Variants in FAM47E observed in about 807,000 individuals in gnomAD.
The protein encoded by FAM47E is family with sequence similarity 47 member E.
In FAM47E, 32 loss-of-function variants were observed where a neutral mutation model predicts 41.6. The ratio of observed to expected loss-of-function variants is 0.77; its 90% CI spans 0.58 to 1.03. The LOEUF (loss-of-function observed/expected upper bound fraction) is 1.03, where lower values mean the gene tolerates loss of function less well. Ranked by LOEUF, FAM47E falls within the 50% of genes least tolerant of loss-of-function variation. FAM47E has a pLI of 0.00. For missense variants in FAM47E, 424 were observed against 485.4 expected, an observed-to-expected ratio of 0.87 and a Z score of 1.19; for synonymous variants, 184 against 188.7, an observed-to-expected ratio of 0.98 and a Z score of 0.20.
At chr4:76,241,260 C>T (rs1733703991) in intron 2 of FAM47E, among the ~76,000 whole-genome samples, 1 of 151,936 alleles carries the variant, frequency 6.6e-6, no homozygotes, top group South Asian at 2.1e-4. Context: ...TGTCTGGCTT[C>T]CAAAAATGGA....
intron 3 of FAM47E, chr4:76,267,370 C>T (rs1361395497): frequency 6.6e-6 from 1 of 152,172 alleles, no homozygotes; most frequent in Non-Finnish European, 1.5e-5. Flanking sequence ...GATGCAACAG[C>T]TCAAGCAAAG....
intron 2 of FAM47E, among the ~76,000 whole-genome samples, chr4:76,231,244 G>C (rs531385581): frequency 1.3e-5 from 2 of 152,284 alleles, no homozygotes; most frequent in South Asian, 4.1e-4. Flanking sequence ...TTTCCCAAAG[G>C]AAATGTCCAA....
rs562970503 is a variant in FAM47E at position 76,271,339 on chromosome 4, C to T, written c.670-229C>T. ...GTTTGCTATGGATCAAACTGAATTT[C>T]CCTCGGGCTCATGATTTCCCTCACT... On this transcript the variant is annotated intron_variant, in intron 4 of 7. Transcript: ENST00000424749. 5.9e-5 allele frequency among the ~76,000 whole-genome samples: 9 copies of T among 152,314 alleles called. No homozygotes were observed. In the South Asian group the frequency reaches 1.9e-3, roughly 32 times the overall value.
At chr4:76,221,380 G>A (rs986566499) in intron 2 of FAM47E, among the ~76,000 whole-genome samples, 30 of 152,148 alleles carry the variant, frequency 2.0e-4, no homozygotes, top group Non-Finnish European at 4.1e-4. Context: ...GTGCAGTGGT[G>A]CAATCTCAGC....
At chr4:76,245,829 C>T (rs1017509906) in intron 2 of FAM47E, among the ~76,000 whole-genome samples, 1 of 152,134 alleles carries the variant, frequency 6.6e-6, no homozygotes, top group Non-Finnish European at 1.5e-5. Context: ...TCAGGCATCT[C>T]CTCAAATCTA....
intron 2 of FAM47E, among the ~76,000 whole-genome samples, chr4:76,220,555 A>G (rs990530677): frequency 2.0e-5 from 3 of 152,210 alleles, no homozygotes; most frequent in Non-Finnish European, 2.9e-5. Context: ...CGAGTCCAGG[A>G]GTTCAAGGCT....
At chr4:76,254,652 T>G (rs762831564) in intron 1 of FAM47E, among the ~76,000 whole-genome samples, 1 of 152,154 alleles carries the variant, frequency 6.6e-6, no homozygotes. Context: ...AAAAACACTT[T>G]GTAGCAATGG....
intron 1 of FAM47E, among the ~76,000 whole-genome samples, chr4:76,216,650 A>G (rs948302471): frequency 5.9e-5 from 9 of 152,302 alleles, no homozygotes; most frequent in Admixed American, 3.3e-4. Context: ...TTACAGCTCA[A>G]GTTGCCCTCA....
At chr4:76,266,268 C>G (rs1166235186) in intron 3 of FAM47E, among the ~76,000 whole-genome samples, 3 of 152,204 alleles carry the variant, frequency 2.0e-5, no homozygotes, top group Non-Finnish European at 4.4e-5. Flanking sequence ...AAGTGACCTC[C>G]TCTGGTCCAT....
chr4:76,256,178 A>T lies in FAM47E; in HGVS notation c.75A>T (p.Arg25Ser), dbSNP rs1734182690. 1.3e-6 allele frequency: 2 copies of T among 1,550,354 alleles called. No homozygotes were observed. Among genetic ancestry groups the T allele is most frequent in the African/African-American group, 2.7e-5 (2 of 72,974 alleles). Residue 25 changes from arginine to serine, a missense_variant and splice_region_variant, in exon 2 of 8, where the codon AGA becomes AGT. Arg to Ser is a moderately radical substitution (Grantham distance 110). Transcript: ENST00000424749. Reference sequence around the variant, plus strand: ...CAAAGAGAATCTATCTACCTTCCAGATGTTTCACAAAGCACAAGAACGGGC... The same window carrying T: ...CAAAGAGAATCTATCTACCTTCCAGTTGTTTCACAAAGCACAAGAACGGGC... The part of the protein sequence containing the change: ...PVREGVNCRS[R>S]CFTKHKNGLK...
exon 1 of FAM47E, chr4:76,214,178 T>TC: frequency 2.2e-6 from 1 of 452,896 alleles, no homozygotes; most frequent in South Asian, 1.6e-5. Context: ...GCTGGGACAT[T>TC]CCCCTGCTCT....
chr4:76,234,630 G>T (rs1316717724), intron 2 of FAM47E: 1 of 152,222 alleles, frequency 6.6e-6, no homozygotes, highest in Admixed American at 6.5e-5. Context: ...GAGTTTTTCC[G>T]GGGACCCCCT....
chr4:76,247,966 G>A (rs1227975546), upstream of FAM47E, among the ~76,000 whole-genome samples: 3 of 127,686 alleles, frequency 2.3e-5, no homozygotes, highest in Admixed American at 1.9e-4. Flanking sequence ...CCAGGCTGGA[G>A]TGCAGTGGCG....
chr4:76,274,782 A>C (rs1426871214), intron 5 of FAM47E, among the ~76,000 whole-genome samples: 1 of 152,104 alleles, frequency 6.6e-6, no homozygotes, highest in Non-Finnish European at 1.5e-5. Flanking sequence ...GACCATGGGT[A>C]GTTTCCTCCC....
In FAM47E at chr4:76,256,253, G is replaced by A; in HGVS notation, c.150G>A (p.Lys50=). The A allele has an allele frequency of 6.4e-7, 1 of 1,551,694 alleles. No homozygotes were observed. The highest frequency in any genetic ancestry group is 8.7e-7 in the Non-Finnish European group (1 of 1,146,988). ...LHSRQLVFPR[K]GLDDFRKGCP... Reference sequence around the variant, plus strand: ...GCCGGCAGTTGGTATTTCCAAGAAAGGGGCTGGACGACTTCAGGAAGGGCT... The same window carrying A: ...GCCGGCAGTTGGTATTTCCAAGAAAAGGGCTGGACGACTTCAGGAAGGGCT... The change falls in exon 2 of 8, where the codon AAG becomes AAA. Residue 50 remains lysine (K), a synonymous_variant. Coordinates refer to ENST00000424749, the MANE Select transcript of FAM47E (RefSeq NM_001136570.3).
intron 2 of FAM47E, among the ~76,000 whole-genome samples, chr4:76,232,131 C>T (rs964509978): frequency 1.3e-5 from 2 of 152,194 alleles, no homozygotes; most frequent in Admixed American, 6.5e-5. Flanking sequence ...CAGAAGTATA[C>T]CTTGCTTAAT....
At chr4:76,264,747 C>G (rs554535224) in intron 3 of FAM47E, among the ~76,000 whole-genome samples, 141 of 152,192 alleles carry the variant, frequency 9.3e-4, no homozygotes, top group African/African-American at 3.1e-3. Context: ...AGGTGCCCAC[C>G]ACCACACCTG....
At chr4:76,254,575 T>G (rs1260957702) in intron 1 of FAM47E, among the ~76,000 whole-genome samples, 1 of 152,146 alleles carries the variant, frequency 6.6e-6, no homozygotes, top group East Asian at 1.9e-4. Context: ...CACCTACACA[T>G]CTATGCAACA....
intron 2 of FAM47E, chr4:76,234,634 A>T (rs1312881978): frequency 2.0e-5 from 3 of 151,348 alleles, no homozygotes; most frequent in East Asian, 1.9e-4. Flanking sequence ...TTTTCCGGGG[A>T]CCCCCTCCCA....
Sources: allele counts gnomAD v4.1 joint callset (sites outside exome capture counted in the v4.1 genomes callset), GRCh38; gene constraint gnomAD v4.1.1; transcripts MANE v1.5; gene names NCBI Gene and HGNC (gene_info 2026-07-23, HGNC 2026-07-21).